Variants in NPTN observed in about 807,000 individuals in gnomAD.
NPTN encodes the protein neuroplastin.
NPTN carries 5 observed loss-of-function variants against 42.7 expected under a neutral mutation model. The ratio of observed to expected loss-of-function variants is 0.12; its 90% CI spans 0.06 to 0.25. The LOEUF is 0.25. Ranked by LOEUF, NPTN falls within the 10% of genes least tolerant of loss-of-function variation. The pLI is 1.00. For synonymous variants in NPTN, 180 were observed against 201.9 expected (o/e 0.89, Z 0.92); for missense variants, 307 against 525.4 (o/e 0.58, Z 4.06).
intron 5 of NPTN, among the ~76,000 whole-genome samples, chr15:73,571,608 G>A (rs1217473191): frequency 6.6e-6 from 1 of 152,162 alleles, no homozygotes; most frequent in African/African-American, 2.4e-5. Flanking sequence ...TGCAGGCAGG[G>A]ATTCGCATGG....
At chr15:73,583,750 C>T (rs924159743) in intron 4 of NPTN, among the ~76,000 whole-genome samples, 3 of 152,212 alleles carry the variant, frequency 2.0e-5, no homozygotes, top group African/African-American at 7.2e-5. Flanking sequence ...TAAAGGATGT[C>T]ACAACCTCTA....
intron 1 of NPTN, among the ~76,000 whole-genome samples, chr15:73,631,138 G>T (rs1898715199): frequency 6.6e-6 from 1 of 152,066 alleles, no homozygotes. Flanking sequence ...CAATTTTACC[G>T]TATTATAAAT....
intron 1 of NPTN, among the ~76,000 whole-genome samples, chr15:73,620,474 T>A (rs1052657546): frequency 6.6e-6 from 1 of 152,136 alleles, no homozygotes; most frequent in African/African-American, 2.4e-5. Flanking sequence ...ATGACTGAGG[T>A]GAAACTACTA....
In NPTN at chr15:73,633,276, G is replaced by C; in HGVS notation, c.-61C>G. On this transcript the variant is annotated 5_prime_UTR_variant, in exon 1 of 9. Coordinates refer to ENST00000345330, the MANE Select transcript of NPTN (RefSeq NM_012428.4). ...GGGCCAGAGCCGGGGCCGGGGAAGG[G>C]AGGGGAGGGAGGGAGGGGGCGGGCG... is the stretch of plus-strand genomic sequence containing the variant. 1 of 1,081,880 alleles carries C rather than the reference G, an allele frequency of 9.2e-7. No individual in the cohort carries two copies. 67.0% of individuals were successfully genotyped at this position (1,081,880 alleles called of 1,614,324 possible). A position where few individuals can be genotyped will look rare whatever the true frequency, so the allele number is the denominator to read the frequency against.
intron 5 of NPTN, 76 bp downstream of exon 5, chr15:73,573,586 A>G: frequency 6.9e-7 from 1 of 1,458,176 alleles, no homozygotes; most frequent in African/African-American, 1.5e-5. Context: ...CAGCTACTAC[A>G]GTAACTGACC....
At chr15:73,613,753 T>C (rs951923900) in intron 1 of NPTN, among the ~76,000 whole-genome samples, 9 of 152,014 alleles carry the variant, frequency 5.9e-5, no homozygotes, top group African/African-American at 2.2e-4. Flanking sequence ...TGGCACAATC[T>C]CAGCTCACTG....
At chr15:73,575,247 T>G (rs1248930974) in intron 4 of NPTN, among the ~76,000 whole-genome samples, 1 of 152,128 alleles carries the variant, frequency 6.6e-6, no homozygotes, top group East Asian at 1.9e-4. Flanking sequence ...CCTCCCAAAG[T>G]GTTGGGATTA....
chr15:73,576,993 G>A (rs1895735138), intron 4 of NPTN, among the ~76,000 whole-genome samples: 1 of 152,162 alleles, frequency 6.6e-6, no homozygotes, highest in African/African-American at 2.4e-5. Flanking sequence ...AGCTGTTCTT[G>A]AGGTTTTTTT....
In NPTN at chr15:73,573,728, A is replaced by G; in HGVS notation, c.774T>C (p.Tyr258=). 6.3e-7 allele frequency: 1 copy of G among 1,596,110 alleles called. No individual in the cohort carries two copies. Among genetic ancestry groups the G allele is most frequent in the Non-Finnish European group, 8.5e-7 (1 of 1,172,386 alleles). ...NKNEGQDATM[Y]CKSVGYPHPD... The stretch of plus-strand genomic sequence containing the variant: ...GGTGGGGGTAGCCAACTGACTTGCA[A>G]TACATAGTGGCATCCTGCCCTTCAT... The change falls in exon 5 of 9, where the codon TAT becomes TAC. Residue 258 remains tyrosine (Y), a synonymous_variant. Coordinates refer to ENST00000345330, the MANE Select transcript of NPTN (RefSeq NM_012428.4).
chr15:73,562,557 C>T (rs1025523723), intron 7 of NPTN, among the ~76,000 whole-genome samples: 1 of 152,212 alleles, frequency 6.6e-6, no homozygotes. Flanking sequence ...TGGTACTTAA[C>T]AAATTTGGGT....
intron 1 of NPTN, among the ~76,000 whole-genome samples, chr15:73,622,969 C>G (rs1239095893): frequency 6.6e-6 from 1 of 152,236 alleles, no homozygotes; most frequent in Non-Finnish European, 1.5e-5. Flanking sequence ...ACAGCACCAG[C>G]TCCCACTTCT....
At chr15:73,622,386 G>A (rs898971024) in intron 1 of NPTN, among the ~76,000 whole-genome samples, 2 of 151,704 alleles carry the variant, frequency 1.3e-5, no homozygotes, top group African/African-American at 4.8e-5. Flanking sequence ...GCACAAATAT[G>A]GAAAAGGGCA....
At chr15:73,626,037 A>T (rs1413740751) in intron 1 of NPTN, among the ~76,000 whole-genome samples, 1 of 152,218 alleles carries the variant, frequency 6.6e-6, no homozygotes, top group Non-Finnish European at 1.5e-5. Context: ...CTTCGACTAT[A>T]ATGGACGGAT....
chr15:73,609,000 T>C (rs1393302080), intron 1 of NPTN, among the ~76,000 whole-genome samples: 2 of 152,146 alleles, frequency 1.3e-5, no homozygotes, highest in Admixed American at 1.3e-4. Context: ...CATCAGCTTA[T>C]GGACGTTGAA....
At chr15:73,625,778 A>G (rs1329356879) in intron 1 of NPTN, among the ~76,000 whole-genome samples, 6 of 152,198 alleles carry the variant, frequency 3.9e-5, no homozygotes, top group South Asian at 2.1e-4. Flanking sequence ...TTTTAAATTA[A>G]TAAGTAGCAA....
At chr15:73,574,711 C>A (rs1027728869) in intron 4 of NPTN, among the ~76,000 whole-genome samples, 5 of 152,096 alleles carry the variant, frequency 3.3e-5, no homozygotes, top group Non-Finnish European at 7.4e-5. Flanking sequence ...CTGCACCTGG[C>A]CCTAAGACCT....
At chr15:73,591,940 TC>T in intron 3 of NPTN, 25 bp downstream of exon 3, 1 of 1,592,208 alleles carries the variant, frequency 6.3e-7, no homozygotes, top group Non-Finnish European at 8.6e-7. Context: ...CCTCCCACCT[TC>T]CCAGGAGCTG....
rs188519525 is a variant in NPTN at position 73,632,256 on chromosome 15, C to T, written c.91+869G>A. On this transcript the variant is annotated intron_variant, in intron 1 of 8. Transcript: ENST00000345330. The stretch of plus-strand genomic sequence containing the variant: ...TTTACTCCCTTCCCTTATTTTTCGT[C>T]TTCCCCCACCCCCATCTCTATACCC... 4.0e-5 allele frequency among the ~76,000 whole-genome samples: 6 copies of T among 151,644 alleles called. No individual in the cohort carries two copies. The East Asian group carries it at 1.2e-3, about 29-fold the overall frequency.
At chr15:73,568,204 T>G (rs550086960) in intron 6 of NPTN, 1 of 985,524 alleles carries the variant, frequency 1.0e-6, no homozygotes, top group African/African-American at 1.7e-5. Flanking sequence ...TGCACTGTGA[T>G]AGCAACCTCA....
Sources: allele counts gnomAD v4.1 joint callset (sites outside exome capture counted in the v4.1 genomes callset), GRCh38; gene constraint gnomAD v4.1.1; transcripts MANE v1.5; gene names NCBI Gene and HGNC (gene_info 2026-07-23, HGNC 2026-07-21).